FAM13C: variants seen among roughly 807,000 people sequenced by gnomAD.
The protein encoded by FAM13C is protein FAM13C.
Under a neutral mutation model 73.2 loss-of-function variants are expected in FAM13C, and 37 were observed. That is an observed-to-expected ratio of 0.51 (90% CI 0.39 to 0.67). The LOEUF is 0.67. FAM13C is among the 30% of genes least tolerant of loss of function. The probability of loss-of-function intolerance (pLI) is 0.00; values close to 1 mark genes in which losing one functional copy is unlikely to be tolerated. For synonymous variants in FAM13C, 246 were observed against 260.9 expected (o/e 0.94, Z 0.55); for missense variants, 589 against 715.6 (o/e 0.82, Z 2.02).
chr10:59,248,513 G>C (rs1223494439), intron 13 of FAM13C, among the ~76,000 whole-genome samples: 1 of 152,120 alleles, frequency 6.6e-6, no homozygotes, highest in Non-Finnish European at 1.5e-5. Context: ...TTTCTAAAGG[G>C]AAAAATTGCG....
At position 59,312,306 on chromosome 10, in the gene FAM13C, A is replaced by C. The variant is rs929319513; in HGVS notation, c.444-9442T>G. ...GGCACAGGGGATTTGAGTAGGCATT[A>C]ATATTAATCAAGCCTAAATGCTGCC... On this transcript the variant is annotated intron_variant, in intron 4 of 13. Transcript: ENST00000618804. Among the ~76,000 whole-genome samples the C allele has an allele frequency of 3.3e-5, 5 of 152,278 alleles. No homozygotes were observed. In the Middle Eastern group the frequency reaches 0.01, roughly 311 times the overall value.
intron 5 of FAM13C, chr10:59,283,812 G>C: frequency 2.1e-6 from 1 of 478,400 alleles, no homozygotes; most frequent in Non-Finnish European, 3.8e-6. Context: ...CTGCTTCCCG[G>C]GTGCTTGAGG....
intron 4 of FAM13C, among the ~76,000 whole-genome samples, chr10:59,312,256 C>A (rs1022564910): frequency 2.6e-5 from 4 of 152,188 alleles, no homozygotes; most frequent in Non-Finnish European, 4.4e-5. Flanking sequence ...CAGGTTAGCT[C>A]TTGGAACACA....
chr10:59,350,991 A>G (rs995669222), intron 3 of FAM13C, among the ~76,000 whole-genome samples: 15 of 152,226 alleles, frequency 9.9e-5, no homozygotes, highest in Non-Finnish European at 1.9e-4. Context: ...CAACTATAGA[A>G]ATATTACCAC....
Position 59,246,592 on chromosome 10 carries a change from C to T in FAM13C, c.*1022G>A. Reference sequence around the variant, plus strand: ...AAACATGTTTTCGTATAAAATAACACAAAATGATATACACTGAAGTTGATG... The same window carrying T: ...AAACATGTTTTCGTATAAAATAACATAAAATGATATACACTGAAGTTGATG... On this transcript the variant is annotated 3_prime_UTR_variant, in exon 14 of 14. Coordinates refer to ENST00000618804, the MANE Select transcript of FAM13C (RefSeq NM_198215.4). 1 of 397,412 alleles carries T rather than the reference C, an allele frequency of 2.5e-6. No homozygotes were observed. 24.6% of individuals were successfully genotyped at this position (397,412 alleles called of 1,614,324 possible). A position where few individuals can be genotyped will look rare whatever the true frequency, so the allele number is the denominator to read the frequency against.
intron 6 of FAM13C, among the ~76,000 whole-genome samples, chr10:59,273,968 T>C (rs1187154148): frequency 1.3e-5 from 2 of 150,568 alleles, no homozygotes; most frequent in Non-Finnish European, 3.0e-5. Flanking sequence ...TGTAGATTCG[T>C]AAAATTGCAC....
intron 2 of FAM13C, 62 bp downstream of exon 2, chr10:59,355,825 G>C (rs1855643640): frequency 6.9e-7 from 1 of 1,443,356 alleles, no homozygotes; most frequent in Non-Finnish European, 9.7e-7. Flanking sequence ...TCAAAGGAAA[G>C]CCACCAGACC....
At chr10:59,295,014 C>A (rs1281509927) in intron 5 of FAM13C, among the ~76,000 whole-genome samples, 2 of 152,170 alleles carry the variant, frequency 1.3e-5, no homozygotes, top group Non-Finnish European at 2.9e-5. Context: ...TGGCCCAAGT[C>A]TAACAAATCA....
chr10:59,323,952 C>A (rs1481291957), intron 4 of FAM13C, 36 bp downstream of exon 4: 1 of 1,561,650 alleles, frequency 6.4e-7, no homozygotes, highest in East Asian at 2.2e-5. Flanking sequence ...AAAGGAACCA[C>A]AAGCACAGAA....
chr10:59,312,215 C>A (rs886548918), intron 4 of FAM13C, among the ~76,000 whole-genome samples: 4 of 152,296 alleles, frequency 2.6e-5, no homozygotes, highest in African/African-American at 7.2e-5. Flanking sequence ...GATACTCAGA[C>A]TTGCAACACT....
intron 4 of FAM13C, chr10:59,323,597 G>A (rs1477774783): frequency 4.3e-6 from 1 of 234,228 alleles, no homozygotes; most frequent in African/African-American, 2.3e-5. Flanking sequence ...CTAAATGAGA[G>A]ACTACGTAAA....
At chr10:59,253,020 GA>G (rs774666283) in intron 11 of FAM13C, 22 bp from the exon 12 acceptor site, 6 of 1,611,494 alleles carry the variant, frequency 3.7e-6, no homozygotes, top group Non-Finnish European at 5.1e-6. Context: ...CAGAGTTAAA[GA>G]AAGAAAGTCA....
chr10:59,362,260 C>T, intron 1 of FAM13C, 139 bp downstream of exon 1: 1 of 1,220,270 alleles, frequency 8.2e-7, no homozygotes, highest in African/African-American at 1.5e-5. Flanking sequence ...CAGCACGTCT[C>T]ACGGTCTTCA....
At chr10:59,262,320 G>C in intron 10 of FAM13C, 114 bp downstream of exon 10, 2 of 934,408 alleles carry the variant, frequency 2.1e-6, no homozygotes, top group Admixed American at 2.5e-5. Context: ...AAATTTTGGA[G>C]CCAGGCTAAT....
chr10:59,347,118 T>C (rs1239820077), intron 3 of FAM13C, among the ~76,000 whole-genome samples: 1 of 152,178 alleles, frequency 6.6e-6, no homozygotes, highest in Admixed American at 6.6e-5. Flanking sequence ...AAAGGAAAAC[T>C]GATTCCAATT....
At chr10:59,338,173 T>C (rs907583268) in intron 3 of FAM13C, among the ~76,000 whole-genome samples, 2 of 152,254 alleles carry the variant, frequency 1.3e-5, no homozygotes, top group South Asian at 4.2e-4. Context: ...ATTTTTCAGA[T>C]TGTTAACCTT....
At chr10:59,310,707 G>A (rs957919542) in intron 4 of FAM13C, among the ~76,000 whole-genome samples, 1 of 152,118 alleles carries the variant, frequency 6.6e-6, no homozygotes, top group Non-Finnish European at 1.5e-5. Context: ...AACTCCCAAG[G>A]ATGCTTCAGC....
At chr10:59,328,906 T>C (rs1275942879) in intron 3 of FAM13C, among the ~76,000 whole-genome samples, 1 of 152,174 alleles carries the variant, frequency 6.6e-6, no homozygotes, top group Non-Finnish European at 1.5e-5. Flanking sequence ...AGAGAAAGTG[T>C]TGTAAATCTA....
At chr10:59,343,321 A>T (rs1853765951) in intron 3 of FAM13C, among the ~76,000 whole-genome samples, 1 of 152,232 alleles carries the variant, frequency 6.6e-6, no homozygotes, top group Admixed American at 6.5e-5. Flanking sequence ...CTTTGGTGAT[A>T]CTTAATTAAC....
Sources: allele counts gnomAD v4.1 joint callset (sites outside exome capture counted in the v4.1 genomes callset), GRCh38; gene constraint gnomAD v4.1.1; transcripts MANE v1.5; gene names NCBI Gene and HGNC (gene_info 2026-07-23, HGNC 2026-07-21).